Variants in TMEM232 observed in about 807,000 individuals in gnomAD.
TMEM232 encodes the protein transmembrane protein 232.
In TMEM232, 80 loss-of-function variants were observed where a neutral mutation model predicts 78.8. The ratio of observed to expected loss-of-function variants is 1.01; its 90% confidence interval spans 0.85 to 1.22. The LOEUF (loss-of-function observed/expected upper bound fraction) is 1.22. TMEM232 is among the 50% of genes most tolerant of loss of function. The probability of loss-of-function intolerance (pLI) is 0.00; values close to 1 mark genes in which losing one functional copy is unlikely to be tolerated. For missense variants in TMEM232, 881 were observed against 742.2 expected (o/e 1.19, Z -2.17); for synonymous variants, 297 against 254.3 (o/e 1.17, Z -1.60).
chr5:110,564,197 T>C (rs1175067257), intron 11 of TMEM232, among the ~76,000 whole-genome samples: 1 of 151,930 alleles, frequency 6.6e-6, no homozygotes, highest in African/African-American at 2.4e-5. Flanking sequence ...CTGTGAAAGC[T>C]AGAAATAACC....
At chr5:110,703,273 C>G (rs1408877406) in intron 1 of TMEM232, among the ~76,000 whole-genome samples, 2 of 151,982 alleles carry the variant, frequency 1.3e-5, no homozygotes, top group African/African-American at 2.4e-5. Flanking sequence ...GCCCCCCACC[C>G]TTGCTTGTAA....
At chr5:110,517,891 T>G (rs982283354) in intron 12 of TMEM232, among the ~76,000 whole-genome samples, 4 of 152,210 alleles carry the variant, frequency 2.6e-5, no homozygotes, top group African/African-American at 9.6e-5. Context: ...CCTACAGGAC[T>G]TTTTGGGTCT....
chr5:110,421,170 A>C (rs947698386), intron 13 of TMEM232, among the ~76,000 whole-genome samples: 1 of 151,996 alleles, frequency 6.6e-6, no homozygotes, highest in Non-Finnish European at 1.5e-5. Context: ...CTCTAATACT[A>C]TTCTCTATGA....
chr5:110,696,907 A>T (rs1794857126), intron 1 of TMEM232, among the ~76,000 whole-genome samples: 1 of 152,160 alleles, frequency 6.6e-6, no homozygotes, highest in Admixed American at 6.5e-5. Flanking sequence ...CATCCCCATC[A>T]AGCTACCAAT....
chr5:110,637,559 A>G (rs1355760476), intron 5 of TMEM232, among the ~76,000 whole-genome samples: 1 of 150,942 alleles, frequency 6.6e-6, no homozygotes, highest in African/African-American at 2.5e-5. Flanking sequence ...ATTCATATAT[A>G]TATGAACATA....
At chr5:110,705,292 C>T (rs461617) in intron 1 of TMEM232, among the ~76,000 whole-genome samples, 148,449 of 152,200 alleles carry the variant, frequency 0.98, 72,480 homozygotes, top group Non-Finnish European at 1. Context: ...CATTAGGTGC[C>T]ATAGGGGCAG....
chr5:110,548,820 T>G (rs1253960974), intron 11 of TMEM232, among the ~76,000 whole-genome samples: 1 of 152,100 alleles, frequency 6.6e-6, no homozygotes, highest in Non-Finnish European at 1.5e-5. Flanking sequence ...CATATTAACA[T>G]GAACCCTAAT....
chr5:110,640,234 CT>C (rs1260686013), intron 4 of TMEM232, among the ~76,000 whole-genome samples: 1 of 152,178 alleles, frequency 6.6e-6, no homozygotes, highest in East Asian at 1.9e-4. Context: ...ATAATTCTTA[CT>C]CTTCCTGTTG....
At chr5:110,467,061 T>C (rs971261638) in intron 12 of TMEM232, among the ~76,000 whole-genome samples, 12 of 152,112 alleles carry the variant, frequency 7.9e-5, no homozygotes, top group Non-Finnish European at 1.0e-4. Flanking sequence ...GAAATATATA[T>C]ATTATGGTTA....
At chr5:110,487,176 G>C (rs1450697444) in intron 12 of TMEM232, among the ~76,000 whole-genome samples, 1 of 152,060 alleles carries the variant, frequency 6.6e-6, no homozygotes, top group Admixed American at 6.6e-5. Flanking sequence ...CAGAAACTTT[G>C]CTGAATTCTT....
At chr5:110,615,719 T>C (rs1669708325) in intron 8 of TMEM232, among the ~76,000 whole-genome samples, 1 of 151,954 alleles carries the variant, frequency 6.6e-6, no homozygotes. Flanking sequence ...CAAATGATCT[T>C]ATATATAGAA....
chr5:110,639,606 T>C (rs1580459928), intron 4 of TMEM232, among the ~76,000 whole-genome samples: 1 of 152,126 alleles, frequency 6.6e-6, no homozygotes, highest in Non-Finnish European at 1.5e-5. Context: ...AGGAAAGGCA[T>C]GTCTTTTTCA....
chr5:110,551,381 C>T (rs1248348819), intron 11 of TMEM232, among the ~76,000 whole-genome samples: 1 of 151,994 alleles, frequency 6.6e-6, no homozygotes, highest in Non-Finnish European at 1.5e-5. Flanking sequence ...TGCCACCGCG[C>T]CTGGCTAATT....
intron 1 of TMEM232, among the ~76,000 whole-genome samples, chr5:110,713,070 A>C (rs534230905): frequency 6.6e-6 from 1 of 152,304 alleles, no homozygotes; most frequent in African/African-American, 2.4e-5. Flanking sequence ...AGTACTATTC[A>C]GCCATAAAAA....
Position 110,508,422 on chromosome 5 carries a change from T to C in TMEM232, c.1703+20166A>G, listed in dbSNP as rs1488594. ...TTATATATATATAAAATACATATTA[T>C]ATATATACATACACACACATATATA... On this transcript the variant is annotated intron_variant, in intron 12 of 13. Coordinates refer to ENST00000455884, the MANE Select transcript of TMEM232 (RefSeq NM_001039763.4). 0.02 allele frequency among the ~76,000 whole-genome samples: 3,049 copies of C among 151,016 alleles called. 231 individuals are homozygous for C. In the East Asian group the frequency reaches 0.24, roughly 12 times the overall value.
chr5:110,451,746 C>T (rs1760306320), intron 12 of TMEM232, among the ~76,000 whole-genome samples: 2 of 151,922 alleles, frequency 1.3e-5, no homozygotes, highest in South Asian at 2.1e-4. Context: ...CTCTTATAGC[C>T]CTTTACTTTT....
At chr5:110,729,111 C>T (rs1355825985), upstream of TMEM232, among the ~76,000 whole-genome samples, 1 of 152,164 alleles carries the variant, frequency 6.6e-6, no homozygotes, top group Non-Finnish European at 1.5e-5. Flanking sequence ...TCTCGAACTC[C>T]TGACCTCAGG....
intron 10 of TMEM232, among the ~76,000 whole-genome samples, chr5:110,574,786 C>T (rs1777384396): frequency 6.6e-6 from 1 of 152,060 alleles, no homozygotes; most frequent in Non-Finnish European, 1.5e-5. Flanking sequence ...TTGAGTCTTT[C>T]CTGGACTCTG....
chr5:110,417,107 A>G (rs1446294103), downstream of TMEM232, among the ~76,000 whole-genome samples: 1 of 152,176 alleles, frequency 6.6e-6, no homozygotes, highest in Non-Finnish European at 1.5e-5. Flanking sequence ...AACTTATGAA[A>G]CCCATAATAA....
Sources: allele counts gnomAD v4.1 joint callset (sites outside exome capture counted in the v4.1 genomes callset), GRCh38; gene constraint gnomAD v4.1.1; transcripts MANE v1.5; gene names NCBI Gene and HGNC (gene_info 2026-07-23, HGNC 2026-07-21).